Variants in RIMS2 observed in about 807,000 individuals in gnomAD.
The protein encoded by RIMS2 is regulating synaptic membrane exocytosis protein 2.
In RIMS2, 59 loss-of-function variants were observed where a neutral mutation model predicts 174.4. That is an observed-to-expected ratio of 0.34 (90% CI 0.27 to 0.42). The LOEUF (loss-of-function observed/expected upper bound fraction) is 0.42. Ranked by LOEUF, RIMS2 falls within the 10% of genes least tolerant of loss-of-function variation. The probability of loss-of-function intolerance (pLI) is 1.00; values close to 1 mark genes in which losing one functional copy is unlikely to be tolerated. For synonymous variants in RIMS2, 606 were observed against 572.5 expected, an observed-to-expected ratio of 1.06 and a Z score of -0.84; for missense variants, 1,620 against 1,666.3, an observed-to-expected ratio of 0.97 and a Z score of 0.48.
At chr8:104,093,684 A>C (rs1210067724) in intron 19 of RIMS2, 41 bp downstream of exon 24, 1 of 1,482,378 alleles carries the variant, frequency 6.7e-7, no homozygotes, top group African/African-American at 1.4e-5. Flanking sequence ...AATATGTTTT[A>C]GAAGGTCTTT....
At chr8:104,218,965 A>G (rs928751526) in intron 19 of RIMS2, among the ~76,000 whole-genome samples, 1 of 152,232 alleles carries the variant, frequency 6.6e-6, no homozygotes, top group Non-Finnish European at 1.5e-5. Context: ...TACTTCATGT[A>G]ACAACCTTTC....
intron 3 of RIMS2, among the ~76,000 whole-genome samples, chr8:103,786,850 T>G (rs56101019): frequency 0.16 from 23,852 of 152,046 alleles, 1,981 homozygotes; most frequent in Middle Eastern, 0.24. Flanking sequence ...TTCGTTGATC[T>G]GTCTAATGTT....
intron 1 of RIMS2, chr8:103,568,909 A>G: frequency 9.8e-7 from 1 of 1,024,844 alleles, no homozygotes; most frequent in East Asian, 2.7e-5. Context: ...CATTGCTGCA[A>G]CACATCAGTG....
intron 17 of RIMS2, among the ~76,000 whole-genome samples, chr8:103,990,922 T>C (rs940388728): frequency 6.6e-6 from 1 of 151,944 alleles, no homozygotes; most frequent in Non-Finnish European, 1.5e-5. Context: ...TAAAAATGAT[T>C]GCTATCATGT....
In RIMS2 at chr8:103,617,543, C is replaced by G. The variant is rs751692560; in HGVS notation, c.177-79543C>G. Among the ~76,000 whole-genome samples the G allele has an allele frequency of 6.6e-5, 10 of 151,878 alleles. 1 individual carries two copies. Among genetic ancestry groups the G allele is most frequent in the Middle Eastern group, 3.2e-3 (1 of 316 alleles). The stretch of plus-strand genomic sequence containing the variant: ...TTAAACTGAAGAGCTTCTGCACAGC[C>G]AAAGAAACTATCAACAGAGTAAACA... On this transcript the variant is annotated intron_variant, in intron 1 of 23. Coordinates refer to ENST00000504942, the Ensembl canonical transcript of RIMS2.
At chr8:103,985,473 CAAAAAAAAAAAAAA>C (rs58750334) in intron 16 of RIMS2, among the ~76,000 whole-genome samples, 8 of 36,154 alleles carry the variant, frequency 2.2e-4, no homozygotes, top group South Asian at 1.9e-3. Flanking sequence ...GACTCTGTCT[CAAAAAAAAAAAAAA>C]AAAAAAAAAA....
intron 19 of RIMS2, among the ~76,000 whole-genome samples, chr8:104,151,420 T>G (rs377281774): frequency 2.0e-5 from 3 of 152,048 alleles, no homozygotes; most frequent in Non-Finnish European, 2.9e-5. Flanking sequence ...AATACAAAAG[T>G]TAGCCCCTCA....
intron 19 of RIMS2, among the ~76,000 whole-genome samples, chr8:104,027,967 G>C (rs191993053): frequency 6.6e-6 from 1 of 152,206 alleles, no homozygotes; most frequent in East Asian, 1.9e-4. Context: ...GGGTCTCACT[G>C]TCACTCAGGC....
intron 1 of RIMS2, among the ~76,000 whole-genome samples, chr8:103,626,604 T>C (rs868182533): frequency 9.8e-5 from 15 of 152,292 alleles, no homozygotes; most frequent in African/African-American, 3.1e-4. Context: ...TCTAATACCA[T>C]AAAAAATATT....
chr8:103,545,982 C>G (rs533904003), intron 1 of RIMS2, among the ~76,000 whole-genome samples: 1 of 152,044 alleles, frequency 6.6e-6, no homozygotes, highest in African/African-American at 2.4e-5. Flanking sequence ...TCAAGTCTGC[C>G]GTAATAACCA....
intron 10 of RIMS2, among the ~76,000 whole-genome samples, chr8:103,923,608 T>C (rs1411630466): frequency 6.6e-6 from 1 of 151,908 alleles, no homozygotes; most frequent in African/African-American, 2.4e-5. Flanking sequence ...GATTTATAAG[T>C]GATTTTGTAA....
chr8:103,606,617 T>C (rs1164647773), intron 1 of RIMS2, among the ~76,000 whole-genome samples: 1 of 152,144 alleles, frequency 6.6e-6, no homozygotes, highest in Non-Finnish European at 1.5e-5. Flanking sequence ...AGTCTCCCAT[T>C]ATTAATGTGT....
At chr8:103,724,632 CTT>C (rs1441990977) in intron 2 of RIMS2, among the ~76,000 whole-genome samples, 2 of 152,002 alleles carry the variant, frequency 1.3e-5, no homozygotes, top group Non-Finnish European at 2.9e-5. Context: ...ACATTTATGA[CTT>C]TGATTTATTC....
intron 19 of RIMS2, among the ~76,000 whole-genome samples, chr8:104,228,018 T>C (rs1307096511): frequency 6.6e-6 from 1 of 150,774 alleles, no homozygotes; most frequent in Non-Finnish European, 1.5e-5. Context: ...TTTGTGTGTT[T>C]CTTTTCTTTT....
chr8:104,019,155 A>G (rs78857647), intron 19 of RIMS2, among the ~76,000 whole-genome samples: 19,481 of 152,158 alleles, frequency 0.13, 1,701 homozygotes, highest in Non-Finnish European at 0.19. Flanking sequence ...CCAAGATCAC[A>G]TCACTACACT....
At chr8:104,071,895 T>G (rs1022343740) in intron 19 of RIMS2, among the ~76,000 whole-genome samples, 3 of 152,206 alleles carry the variant, frequency 2.0e-5, no homozygotes, top group African/African-American at 7.2e-5. Flanking sequence ...GTGAATGATG[T>G]CTTCAAGAAA....
chr8:104,232,210 ATGT>A (rs1249963805), intron 19 of RIMS2, among the ~76,000 whole-genome samples: 1 of 152,196 alleles, frequency 6.6e-6, no homozygotes, highest in Non-Finnish European at 1.5e-5. Flanking sequence ...GTCGGTTTCT[ATGT>A]TGTTATTGTG....
rs575596852 is a variant in RIMS2 at position 104,223,265 on chromosome 8, C to T, written c.3335-21651C>T. ...CGAGGTGCAGCCGCGCCGCCACCTC[C>T]CCCTCCGGCCGCTGATTGGCGGGGA... On this transcript the variant is annotated intron_variant, in intron 19 of 23. Coordinates refer to ENST00000504942, the Ensembl canonical transcript of RIMS2. 6.0e-4 allele frequency: 383 copies of T among 636,882 alleles called. 1 individual carries two copies. The African/African-American group carries it at 6.9e-3, about 12-fold the overall frequency. The allele number at this position is 636,882 out of a possible 1,614,324, so 39.5% of individuals were successfully genotyped here.
chr8:103,857,248 C>T (rs1161980419), intron 3 of RIMS2, among the ~76,000 whole-genome samples: 1 of 152,112 alleles, frequency 6.6e-6, no homozygotes, highest in Middle Eastern at 3.2e-3. Context: ...ATGAAAACTG[C>T]GGACATGGCT....
Sources: allele counts gnomAD v4.1 joint callset (sites outside exome capture counted in the v4.1 genomes callset), GRCh38; gene constraint gnomAD v4.1.1; transcripts MANE v1.5; gene names NCBI Gene and HGNC (gene_info 2026-07-23, HGNC 2026-07-21).